FRMD4B: variants seen among roughly 807,000 people sequenced by gnomAD.
The protein encoded by FRMD4B is FERM domain containing 4B, also known as FERM domain-containing protein 4B.
A neutral mutation model predicts 141.5 loss-of-function variants in FRMD4B; 74 were observed. The observed-to-expected ratio is 0.52, with a 90% CI of 0.43 to 0.63. The LOEUF (loss-of-function observed/expected upper bound fraction) is 0.63, where lower values mean the gene tolerates loss of function less well. FRMD4B is among the 30% of genes least tolerant of loss of function. The pLI, the probability that FRMD4B is intolerant of heterozygous loss-of-function variation, is 0.00. For synonymous variants in FRMD4B, 506 were observed against 467.9 expected (o/e 1.08, Z -1.05); for missense variants, 1,366 against 1,253.4 (o/e 1.09, Z -1.36).
chr3:69,214,813 G>C (rs917633625), intron 11 of FRMD4B, among the ~76,000 whole-genome samples: 1 of 152,062 alleles, frequency 6.6e-6, no homozygotes, highest in Non-Finnish European at 1.5e-5. Flanking sequence ...AGTGACCTGT[G>C]ATCAGGCCAC....
intron 11 of FRMD4B, among the ~76,000 whole-genome samples, chr3:69,205,506 G>T (rs924863571): frequency 2.0e-5 from 3 of 152,108 alleles, no homozygotes; most frequent in Non-Finnish European, 2.9e-5. Context: ...ACCATGCCCA[G>T]CCTGAGTCCC....
rs1324605009 is a variant in FRMD4B at position 69,187,759 on chromosome 3, T to C, written c.1919+11A>G. 1.2e-6 allele frequency: 2 copies of C among 1,604,786 alleles called. No homozygotes were observed. The highest frequency in any genetic ancestry group is 2.3e-5 in the East Asian group (1 of 44,372). The stretch of plus-strand genomic sequence containing the variant: ...TGGGGCATTAACCTTACTGATGATA[T>C]GACCTCTCACCTGGACTGCCTGGTA... On this transcript the variant is annotated intron_variant, in intron 19 of 22. Transcript: ENST00000398540.
At chr3:69,217,959 T>C (rs2093157547) in intron 10 of FRMD4B, among the ~76,000 whole-genome samples, 1 of 152,184 alleles carries the variant, frequency 6.6e-6, no homozygotes, top group East Asian at 1.9e-4. Context: ...TAAAACATGG[T>C]ATTGCAAATC....
rs1448020585 is a variant in FRMD4B at position 69,241,066 on chromosome 3, A to G, written c.581+8160T>C. Among the ~76,000 whole-genome samples the G allele has an allele frequency of 2.0e-5, 3 of 152,350 alleles. No individual in the cohort carries two copies. In the East Asian group the frequency reaches 5.8e-4, roughly 29 times the overall value. On this transcript the variant is annotated intron_variant, in intron 7 of 22. Transcript: ENST00000398540. ...TCCACTCCAGTGGAGAAAGAAACTG[A>G]GAACTCAAATGGGTCAAGAGAGTTA... is the stretch of plus-strand genomic sequence containing the variant.
At chr3:69,285,883 A>G (rs1409015195) in intron 5 of FRMD4B, among the ~76,000 whole-genome samples, 1 of 152,096 alleles carries the variant, frequency 6.6e-6, no homozygotes, top group Non-Finnish European at 1.5e-5. Flanking sequence ...CAGAAAAAAG[A>G]AAAAAGAGAA....
In FRMD4B at chr3:69,181,038, C is replaced by G; in HGVS notation, c.2712G>C (p.Gln904His). 2 of 1,614,040 alleles carry G rather than the reference C, an allele frequency of 1.2e-6. No homozygotes were observed. Among genetic ancestry groups the G allele is most frequent in the South Asian group, 2.2e-5 (2 of 91,084 alleles). ...LVAEHLRGWYQRASGQKDQGH... is the reference protein window; with the variant it reads ...LVAEHLRGWYHRASGQKDQGH... ...CCTGATCCTTCTGCCCAGAGGCCCG[C>G]TGGTACCAGCCACGCAAGTGCTCGG... is the stretch of plus-strand genomic sequence containing the variant. Residue 904 changes from glutamine to histidine, a missense_variant, in exon 21 of 23, where the codon CAG (glutamine) becomes CAC (histidine). Physicochemically the swap from Gln to His is conservative, Grantham distance 24. Coordinates refer to ENST00000398540, the MANE Select transcript of FRMD4B (RefSeq NM_015123.3).
intron 22 of FRMD4B, among the ~76,000 whole-genome samples, chr3:69,175,104 A>G (rs1390082910): frequency 6.6e-6 from 1 of 152,218 alleles, no homozygotes; most frequent in East Asian, 1.9e-4. Flanking sequence ...GAATATTTCC[A>G]ATTTGATTGT....
chr3:69,397,750 A>G (rs1171570632), intron 2 of FRMD4B, among the ~76,000 whole-genome samples: 3 of 151,530 alleles, frequency 2.0e-5, no homozygotes, highest in South Asian at 2.1e-4. Flanking sequence ...TAATTAGTAC[A>G]GGGTTTTTTT....
At chr3:69,199,106 T>C (rs2092940270) in intron 11 of FRMD4B, 3 of 196,192 alleles carry the variant, frequency 1.5e-5, no homozygotes, top group African/African-American at 4.7e-5. Context: ...TTGTCTCTAC[T>C]AAAAATACAA....
intron 1 of FRMD4B, among the ~76,000 whole-genome samples, chr3:69,350,282 T>A (rs1279297812): frequency 1.3e-5 from 2 of 152,170 alleles, no homozygotes; most frequent in Non-Finnish European, 1.5e-5. Context: ...AGATACCATC[T>A]CACACCAGTT....
At chr3:69,339,879 C>A (rs1274636086) in intron 1 of FRMD4B, among the ~76,000 whole-genome samples, 2 of 152,088 alleles carry the variant, frequency 1.3e-5, no homozygotes, top group Non-Finnish European at 2.9e-5. Context: ...CTTGACAGGG[C>A]AGTTTAGCTT....
At chr3:69,246,773 C>T (rs1314540542) in intron 7 of FRMD4B, among the ~76,000 whole-genome samples, 1 of 152,172 alleles carries the variant, frequency 6.6e-6, no homozygotes, top group Non-Finnish European at 1.5e-5. Flanking sequence ...AAACAGTGTG[C>T]GCCACTTCAA....
chr3:69,221,914 C>A lies in FRMD4B; in HGVS notation c.675G>T (p.Arg225Ser). Residue 225 changes from arginine (R) to serine (S), a missense_variant, in exon 9 of 23, where the codon AGG (arginine) becomes AGT (serine). Physicochemically the swap from Arg to Ser is moderately radical, Grantham distance 110. Coordinates refer to ENST00000398540, the MANE Select transcript of FRMD4B (RefSeq NM_015123.3). ...EHPSLAYCED[R>S]VIEHYLKIKG... Reference sequence around the variant, plus strand: ...TGATTTTCAAATAATGCTCAATTACCCTGTCCTCACTGTAAAACAAAGAAA... The same window carrying A: ...TGATTTTCAAATAATGCTCAATTACACTGTCCTCACTGTAAAACAAAGAAA... 1 of 1,532,592 alleles carries A rather than the reference C, an allele frequency of 6.5e-7. No individual in the cohort carries two copies. The highest frequency in any genetic ancestry group is 9.0e-7 in the Non-Finnish European group (1 of 1,113,750). The allele number at this position is 1,532,592 out of a possible 1,614,324, so 94.9% of individuals were successfully genotyped here.
intron 7 of FRMD4B, among the ~76,000 whole-genome samples, chr3:69,227,782 TA>T (rs1440649425): frequency 6.6e-6 from 1 of 152,132 alleles, no homozygotes; most frequent in East Asian, 1.9e-4. Context: ...ATGGTGGATA[TA>T]TGACATTATG....
At chr3:69,187,728 T>C (rs2092785429) in intron 19 of FRMD4B, 42 bp downstream of exon 19, 11 of 1,553,178 alleles carry the variant, frequency 7.1e-6, no homozygotes, top group Non-Finnish European at 9.6e-6. Context: ...AAAAATTTCC[T>C]AGCTGTGGGG....
chr3:69,195,687 T>C (rs973677582), intron 14 of FRMD4B, among the ~76,000 whole-genome samples: 7 of 142,750 alleles, frequency 4.9e-5, no homozygotes, highest in African/African-American at 1.8e-4. Flanking sequence ...CCTTGAAGAG[T>C]TGTTTCAAGT....
chr3:69,198,845 A>G (rs2092935854), intron 11 of FRMD4B, 71 bp from the exon 12 acceptor site: 1 of 761,464 alleles, frequency 1.3e-6, no homozygotes. Flanking sequence ...TCAGCTTAAT[A>G]ATCAAACAAT....
At chr3:69,332,294 G>A (rs1038560024) in intron 1 of FRMD4B, among the ~76,000 whole-genome samples, 2 of 152,144 alleles carry the variant, frequency 1.3e-5, no homozygotes, top group Admixed American at 6.6e-5. Flanking sequence ...TGTCTGGAGT[G>A]CCTCAAATTT....
intron 2 of FRMD4B, among the ~76,000 whole-genome samples, chr3:69,312,491 G>A (rs66686363): frequency 0.36 from 54,252 of 152,094 alleles, 10,518 homozygotes; most frequent in East Asian, 0.59. Flanking sequence ...TTGGTTAGAG[G>A]AGAAAATTCT....
Sources: gnomAD v4.1 joint callset for allele counts (sites outside exome capture counted in the v4.1 genomes callset) on GRCh38, gnomAD v4.1.1 for gene constraint, MANE v1.5 for transcripts, NCBI Gene and HGNC (gene_info 2026-07-23, HGNC 2026-07-21) for gene names.